Variants in PSMD1 observed in about 807,000 individuals in gnomAD.
PSMD1 encodes the protein 26S proteasome non-ATPase regulatory subunit 1.
In PSMD1, 18 loss-of-function variants were observed where a neutral mutation model predicts 119.0. That is an observed-to-expected ratio of 0.15 (90% CI 0.10 to 0.22). PSMD1 has a LOEUF of 0.22. Among genes scored for constraint, PSMD1 ranks in the 10% least tolerant of loss-of-function variants. The probability of loss-of-function intolerance (pLI) is 1.00; values close to 1 mark genes in which losing one functional copy is unlikely to be tolerated. For synonymous variants in PSMD1, 374 were observed against 396.6 expected, an observed-to-expected ratio of 0.94 and a Z score of 0.68; for missense variants, 702 against 1,158.5, an observed-to-expected ratio of 0.61 and a Z score of 5.72.
intron 7 of PSMD1, among the ~76,000 whole-genome samples, 185 bp from the exon 8 acceptor site, chr2:231,075,326 T>C: frequency 6.6e-6 from 1 of 152,230 alleles, no homozygotes; most frequent in Non-Finnish European, 1.5e-5. Context: ...TTTTATTATT[T>C]GGAGGAAATT....
At chr2:231,165,362 T>A in intron 22 of PSMD1, 76 bp downstream of exon 22, 1 of 1,426,036 alleles carries the variant, frequency 7.0e-7, no homozygotes, top group Non-Finnish European at 9.3e-7. Context: ...CTTAGTTGAA[T>A]ATTATTCTAC....
intron 15 of PSMD1, among the ~76,000 whole-genome samples, chr2:231,085,638 A>G (rs551052203): frequency 6.6e-6 from 1 of 152,140 alleles, no homozygotes; most frequent in Non-Finnish European, 1.5e-5. Flanking sequence ...AAACAAGCAA[A>G]CAATCCCCCA....
chr2:231,142,840 G>A (rs1696157488), intron 17 of PSMD1, among the ~76,000 whole-genome samples: 1 of 152,122 alleles, frequency 6.6e-6, no homozygotes, highest in African/African-American at 2.4e-5. Flanking sequence ...ACATGTTTCA[G>A]TAATGTAGGG....
intron 16 of PSMD1, among the ~76,000 whole-genome samples, chr2:231,138,064 G>A (rs971733143): frequency 2.0e-5 from 3 of 152,040 alleles, no homozygotes; most frequent in African/African-American, 4.8e-5. Flanking sequence ...TATTACCCTA[G>A]TCCTGCTGCT....
chr2:231,056,971 T>TA lies in PSMD1; in HGVS notation c.-54dup. On this transcript the variant is annotated 5_prime_UTR_variant, in exon 1 of 25. Coordinates refer to ENST00000308696, the MANE Select transcript of PSMD1 (RefSeq NM_002807.4). The stretch of plus-strand genomic sequence containing the variant: ...ACTGAGCGGCCCCTGAGCTGACAGA[T>TA]ACACTGCGCAGCTGGAACGGCGAGC... 1.3e-6 allele frequency: 2 copies of TA among 1,539,444 alleles called. No individual in the cohort carries two copies. The highest frequency in any genetic ancestry group is 1.7e-6 in the Non-Finnish European group (2 of 1,144,112).
At chr2:231,141,917 C>CT (rs1696128059) in intron 17 of PSMD1, among the ~76,000 whole-genome samples, 2 of 152,194 alleles carry the variant, frequency 1.3e-5, no homozygotes, top group East Asian at 3.9e-4. Flanking sequence ...GAGTCTCACT[C>CT]TGTCACCCAG....
chr2:231,073,327 A>C (rs1694083845), intron 7 of PSMD1, among the ~76,000 whole-genome samples: 2 of 152,240 alleles, frequency 1.3e-5, no homozygotes, highest in African/African-American at 4.8e-5. Context: ...AAGTGATCAC[A>C]TACTATTGGA....
intron 16 of PSMD1, among the ~76,000 whole-genome samples, chr2:231,098,782 A>G (rs1694792576): frequency 6.6e-6 from 1 of 152,186 alleles, no homozygotes; most frequent in Non-Finnish European, 1.5e-5. Flanking sequence ...GCCATTCCGT[A>G]AAGGTCATCC....
At chr2:231,123,553 C>T (rs1335189486) in intron 16 of PSMD1, 1 of 1,613,970 alleles carries the variant, frequency 6.2e-7, no homozygotes, top group Non-Finnish European at 8.5e-7. Flanking sequence ...AAGGGTATTT[C>T]CACCAATTGT....
At chr2:231,134,153 T>C (rs1695917484) in intron 16 of PSMD1, among the ~76,000 whole-genome samples, 1 of 152,230 alleles carries the variant, frequency 6.6e-6, no homozygotes, top group Non-Finnish European at 1.5e-5. Flanking sequence ...TACCTTATGA[T>C]GAACCAGAAG....
At chr2:231,137,702 C>G (rs892509730) in intron 16 of PSMD1, among the ~76,000 whole-genome samples, 46 of 152,050 alleles carry the variant, frequency 3.0e-4, no homozygotes, top group African/African-American at 1.0e-3. Context: ...TTCCCTCCTC[C>G]CTCCAGTTCC....
At chr2:231,090,491 G>A (rs956339707) in intron 16 of PSMD1, among the ~76,000 whole-genome samples, 8 of 152,152 alleles carry the variant, frequency 5.3e-5, no homozygotes, top group East Asian at 1.9e-4. Flanking sequence ...CCTGGGAGGC[G>A]GAGGTTGCAG....
intron 4 of PSMD1, among the ~76,000 whole-genome samples, chr2:231,066,303 G>C (rs1207628083): frequency 1.3e-5 from 2 of 152,198 alleles, no homozygotes; most frequent in Non-Finnish European, 2.9e-5. Context: ...TTACCCTACA[G>C]AGACAATTTA....
intron 12 of PSMD1, among the ~76,000 whole-genome samples, chr2:231,080,871 G>A (rs114260523): frequency 0.022 from 3,370 of 152,212 alleles, 55 homozygotes; most frequent in Middle Eastern, 0.027. Flanking sequence ...GGCTGGGCAC[G>A]GTGGCTCACG....
chr2:231,102,423 C>G (rs1221038375), intron 16 of PSMD1, among the ~76,000 whole-genome samples: 1 of 152,110 alleles, frequency 6.6e-6, no homozygotes, highest in Non-Finnish European at 1.5e-5. Context: ...TTTGACTCCC[C>G]CAAAACTTAG....
chr2:231,133,870 A>G (rs1171716336), intron 16 of PSMD1, among the ~76,000 whole-genome samples: 3 of 152,234 alleles, frequency 2.0e-5, no homozygotes, highest in African/African-American at 7.2e-5. Context: ...TCATATGTGC[A>G]GTTTATGGTC....
chr2:231,098,704 T>G (rs1202482659), intron 16 of PSMD1, among the ~76,000 whole-genome samples: 1 of 152,182 alleles, frequency 6.6e-6, no homozygotes, highest in Non-Finnish European at 1.5e-5. Context: ...GAAAAGAGGA[T>G]GCCCAAGATG....
At chr2:231,076,875 T>G (rs1301730741) in intron 8 of PSMD1, among the ~76,000 whole-genome samples, 159 bp from the exon 9 acceptor site, 1 of 152,220 alleles carries the variant, frequency 6.6e-6, no homozygotes. Context: ...CAAGCTAGTA[T>G]CATATCTCAG....
chr2:231,144,980 T>A (rs1229195981), intron 17 of PSMD1, among the ~76,000 whole-genome samples: 7 of 152,214 alleles, frequency 4.6e-5, no homozygotes, highest in African/African-American at 1.4e-4. Context: ...TATGACCTCT[T>A]ACCTCAAGAC....
Sources: allele counts gnomAD v4.1 joint callset (sites outside exome capture counted in the v4.1 genomes callset), GRCh38; gene constraint gnomAD v4.1.1; transcripts MANE v1.5; gene names NCBI Gene and HGNC (gene_info 2026-07-23, HGNC 2026-07-21).